PREX1: variants seen among roughly 807,000 people sequenced by gnomAD.
PREX1 encodes the protein phosphatidylinositol-3,4,5-trisphosphate dependent Rac exchange factor 1.
Under a neutral mutation model 198.3 loss-of-function variants are expected in PREX1, and 41 were observed. That is an observed-to-expected ratio of 0.21 (90% CI 0.16 to 0.27). PREX1 has a LOEUF of 0.27. PREX1 is among the 10% of genes least tolerant of loss of function. The probability of loss-of-function intolerance (pLI) is 1.00; values close to 1 mark genes in which losing one functional copy is unlikely to be tolerated. For missense variants in PREX1, 1,620 were observed against 2,200.7 expected (o/e 0.74, Z 5.28); for synonymous variants, 843 against 887.2 (o/e 0.95, Z 0.89).
At chr20:48,863,503 T>G in the PREX1 span, among the ~76,000 whole-genome samples, 1 of 151,820 alleles carries the variant, frequency 6.6e-6, no homozygotes, top group South Asian at 2.1e-4. Context: ...TTTTTTGTTT[T>G]TTTTTTTTCT....
In PREX1 at chr20:48,690,172, T is replaced by A. The variant is rs534930133; in HGVS notation, c.1186+775A>T. Among the ~76,000 whole-genome samples, 5 of 152,248 alleles carry A rather than the reference T, an allele frequency of 3.3e-5. No individual in the cohort carries two copies. In the East Asian group the frequency reaches 7.7e-4, roughly 24 times the overall value. ...TGTGAGCATCTACGACACCTCCAAG[T>A]GGCAATTTCAAGTAAGCAGGATACA... On this transcript the variant is annotated intron_variant, in intron 9 of 39. Transcript: ENST00000371941.
At chr20:48,878,178 C>A in the PREX1 span, among the ~76,000 whole-genome samples, 5 of 152,158 alleles carry the variant, frequency 3.3e-5, no homozygotes, top group South Asian at 2.1e-4. Flanking sequence ...CTGCCCCAAC[C>A]CCAGTTATTC....
chr20:48,789,723 T>C (rs1443381891), intron 1 of PREX1, among the ~76,000 whole-genome samples: 1 of 152,226 alleles, frequency 6.6e-6, no homozygotes, highest in Admixed American at 6.5e-5. Flanking sequence ...AGTAAAAATA[T>C]TATATAGACA....
At chr20:48,779,786 T>C (rs185700814) in intron 1 of PREX1, among the ~76,000 whole-genome samples, 8 of 152,260 alleles carry the variant, frequency 5.3e-5, no homozygotes, top group African/African-American at 1.2e-4. Context: ...ATACGGAATG[T>C]GTATGTTTTA....
chr20:48,806,924 G>A (rs1427656980), intron 1 of PREX1, among the ~76,000 whole-genome samples: 1 of 152,172 alleles, frequency 6.6e-6, no homozygotes, highest in Non-Finnish European at 1.5e-5. Context: ...TAGCAGGAAT[G>A]GCTTCTCAGA....
Position 48,627,609 on chromosome 20 carries a change from T to C in PREX1, c.4876A>G (p.Arg1626Gly). The C allele has an allele frequency of 6.2e-7, 1 of 1,612,840 alleles. No homozygotes were observed. The highest frequency in any genetic ancestry group is 8.5e-7 in the Non-Finnish European group (1 of 1,179,746). Reference sequence around the variant, plus strand: ...AGGTTTTTGGCCAGAATCTCCACCCTTGGGCCCTGGAAGAAGGAACCATCA... The same window carrying C: ...AGGTTTTTGGCCAGAATCTCCACCCCTGGGCCCTGGAAGAAGGAACCATCA... ...ATDIMRKQGPRVEILAKNLRV... is the reference protein window; with the variant it reads ...ATDIMRKQGPGVEILAKNLRV... Residue 1626 changes from arginine to glycine, a missense_variant, in exon 39 of 40, where the codon AGG becomes GGG. This residue lies in a region of PREX1 where 476 missense variants were observed against 603.4 expected (regional missense o/e 0.79). Transcript: ENST00000371941.
intron 15 of PREX1, among the ~76,000 whole-genome samples, chr20:48,663,702 A>G (rs2030068340): frequency 6.6e-6 from 1 of 152,242 alleles, no homozygotes; most frequent in African/African-American, 2.4e-5. Context: ...AAAAAAGCCA[A>G]TATCAGAAAG....
chr20:48,721,652 CAG>C (rs574074737), intron 5 of PREX1, among the ~76,000 whole-genome samples: 114 of 152,292 alleles, frequency 7.5e-4, no homozygotes, highest in African/African-American at 2.4e-3. Flanking sequence ...TCGGAGTGAG[CAG>C]AGAGTCCTGG....
chr20:48,655,178 ATGGTACATTGTC>A, intron 19 of PREX1, 100 bp downstream of exon 19: 1 of 1,109,270 alleles, frequency 9.0e-7, no homozygotes, highest in South Asian at 1.6e-5. Context: ...ATAAGTGCTG[ATGGTACATTGTC>A]TGGCAGAAGC....
the PREX1 span, among the ~76,000 whole-genome samples, chr20:48,847,371 A>AAAAAACAAAAAAAAAAAC: frequency 6.7e-6 from 1 of 149,394 alleles, no homozygotes; most frequent in African/African-American, 2.5e-5. Context: ...TTATAAAAAA[A>AAAAAACAAAAAAAAAAAC]AAAAAAAAAA....
intron 7 of PREX1, among the ~76,000 whole-genome samples, chr20:48,693,824 G>T (rs1844166812): frequency 6.6e-6 from 1 of 151,762 alleles, no homozygotes; most frequent in South Asian, 2.1e-4. Flanking sequence ...TAGCCAGGAT[G>T]GTCTCAATCT....
intron 19 of PREX1, among the ~76,000 whole-genome samples, chr20:48,654,302 G>C (rs2089525205): frequency 6.6e-6 from 1 of 152,220 alleles, no homozygotes. Flanking sequence ...AATAGCAGCT[G>C]GTTTATTCTT....
chr20:48,838,993 CAAAAAAAAAAAA>C, the PREX1 span, among the ~76,000 whole-genome samples: 11 of 23,042 alleles, frequency 4.8e-4, no homozygotes, highest in East Asian at 7.0e-3. Context: ...GACTCTGTCT[CAAAAAAAAAAAA>C]AAAAAAAAAA....
intron 10 of PREX1, among the ~76,000 whole-genome samples, chr20:48,685,096 C>T (rs1160882570): frequency 1.3e-5 from 2 of 152,186 alleles, no homozygotes; most frequent in Non-Finnish European, 2.9e-5. Context: ...TTCTATCTGT[C>T]TCCTCTTCTG....
At chr20:48,853,700 T>A in the PREX1 span, among the ~76,000 whole-genome samples, 5 of 152,114 alleles carry the variant, frequency 3.3e-5, no homozygotes, top group Non-Finnish European at 5.9e-5. Flanking sequence ...ACACACACAC[T>A]TGCATACACC....
chr20:48,819,462 T>C (rs975188803), intron 1 of PREX1, among the ~76,000 whole-genome samples: 10 of 152,224 alleles, frequency 6.6e-5, no homozygotes, highest in Non-Finnish European at 1.0e-4. Flanking sequence ...GCCCATCCCA[T>C]CTAAAGTAGA....
In PREX1 at chr20:48,655,344, G is replaced by A. The variant is rs1487007157; in HGVS notation, c.2155C>T (p.Leu719=). 2.5e-6 allele frequency: 4 copies of A among 1,598,888 alleles called. No homozygotes were observed. The highest frequency in any genetic ancestry group is 2.7e-5 in the African/African-American group (2 of 74,304). ...GCAGCTCCACGAATCTGGAAGCACA[G>A]TGTGTCCGGCTGGTCGGGGATTTTG... ...IIKIPDQPDT[L]CFQIRGAAPP... is the part of the protein sequence containing the mutation. The change falls in exon 19 of 40, where the codon CTG becomes TTG. Residue 719 remains leucine, a synonymous_variant. Coordinates refer to ENST00000371941, the MANE Select transcript of PREX1 (RefSeq NM_020820.4).
At chr20:48,764,893 G>T (rs2090201580) in intron 1 of PREX1, among the ~76,000 whole-genome samples, 1 of 152,052 alleles carries the variant, frequency 6.6e-6, no homozygotes, top group South Asian at 2.1e-4. Context: ...AGATGGACGA[G>T]GCCACAAGCC....
Position 48,681,293 on chromosome 20 carries a change from C to T in PREX1, c.1377G>A (p.Lys459=), listed in dbSNP as rs1386598651. ...GGCCCAAGTTGACTCCTTCTTCCGT[C>T]TTGCTGATTTCACCAATTTCTAGGA... is the stretch of plus-strand genomic sequence containing the variant. ...AWLLEIGEIS[K]TEEGVNLGQA... The change falls in exon 11 of 40, where the codon AAG becomes AAA. Residue 459 remains lysine, a synonymous_variant. Transcript: ENST00000371941. 2 of 1,614,246 alleles carry T rather than the reference C, an allele frequency of 1.2e-6. No individual in the cohort carries two copies. The highest frequency in any genetic ancestry group is 8.5e-7 in the Non-Finnish European group (1 of 1,180,048).
Sources: allele counts gnomAD v4.1 joint callset (sites outside exome capture counted in the v4.1 genomes callset), GRCh38; gene constraint gnomAD v4.1.1; regional missense constraint gnomAD v4.1.1; transcripts MANE v1.5; gene names NCBI Gene and HGNC (gene_info 2026-07-23, HGNC 2026-07-21).